ZNF827: variants seen among roughly 807,000 people sequenced by gnomAD.
ZNF827 encodes zinc finger protein 827.
ZNF827 carries 13 observed loss-of-function variants against 102.4 expected under a neutral mutation model. The observed-to-expected ratio is 0.13, with a 90% CI of 0.08 to 0.20. ZNF827 has a LOEUF of 0.20. Among genes scored for constraint, ZNF827 ranks in the 10% least tolerant of loss-of-function variants. The pLI is 1.00. For missense variants in ZNF827, 1,103 were observed against 1,344.4 expected, an observed-to-expected ratio of 0.82 and a Z score of 2.81; for synonymous variants, 523 against 536.2, an observed-to-expected ratio of 0.98 and a Z score of 0.34.
intron 1 of ZNF827, among the ~76,000 whole-genome samples, chr4:145,934,166 G>A (rs568833414): frequency 6.6e-6 from 1 of 152,134 alleles, no homozygotes; most frequent in Non-Finnish European, 1.5e-5. Flanking sequence ...GCTGTATCTC[G>A]TGTAATAATT....
intron 5 of ZNF827, among the ~76,000 whole-genome samples, chr4:145,866,008 C>T (rs1206805984): frequency 6.6e-6 from 1 of 152,178 alleles, no homozygotes; most frequent in East Asian, 1.9e-4. Context: ...ATCATGTGGA[C>T]TGGGTAACAG....
chr4:145,805,175 C>G (rs1210911323), intron 8 of ZNF827, among the ~76,000 whole-genome samples: 1 of 148,692 alleles, frequency 6.7e-6, no homozygotes, highest in African/African-American at 2.5e-5. Flanking sequence ...TTGTGTGAAG[C>G]AAAATTCACC....
In ZNF827 at chr4:145,765,815, T is replaced by G; in HGVS notation, c.2861-77A>C. ...ATTATAGCAACTGAGGGTGACGAGTTGAGTCTCATGGATGCATCATCATTC... is the reference window on the plus strand; with the variant it reads ...ATTATAGCAACTGAGGGTGACGAGTGGAGTCTCATGGATGCATCATCATTC... On this transcript the variant is annotated intron_variant, in intron 11 of 14. Coordinates refer to ENST00000508784, the MANE Select transcript of ZNF827 (RefSeq NM_001306215.2). This position sits in a 1 kb window ranked among gnomAD's most constrained non-coding sequence, Gnocchi z 4.7. 1 of 1,445,236 alleles carries G rather than the reference T, an allele frequency of 6.9e-7. No homozygotes were observed. The highest frequency in any genetic ancestry group is 9.4e-7 in the Non-Finnish European group (1 of 1,059,462). 89.5% of individuals were successfully genotyped at this position (1,445,236 alleles called of 1,614,324 possible).
intron 1 of ZNF827, chr4:145,907,211 CT>C (rs948082681): frequency 1.5e-5 from 7 of 454,882 alleles, no homozygotes; most frequent in Non-Finnish European, 2.6e-5. Flanking sequence ...TTTTTTTCTT[CT>C]TTTTTTGCCT....
chr4:145,766,479 T>TTC (rs1735314028), intron 11 of ZNF827, among the ~76,000 whole-genome samples: 1 of 152,174 alleles, frequency 6.6e-6, no homozygotes, highest in Admixed American at 6.5e-5. Context: ...ACTGATCAGT[T>TTC]TCCTGCCTTG....
intron 3 of ZNF827, among the ~76,000 whole-genome samples, chr4:145,891,995 G>C: frequency 6.6e-6 from 1 of 152,232 alleles, no homozygotes; most frequent in Non-Finnish European, 1.5e-5. Context: ...CTATAGGAGA[G>C]GACCGCCCTC....
rs1364229964 is a variant in ZNF827, at chr4:145,760,590, C to A, written c.*1026G>T. On this transcript the variant is annotated 3_prime_UTR_variant, in exon 15 of 15. Coordinates refer to ENST00000508784, the MANE Select transcript of ZNF827 (RefSeq NM_001306215.2). ...GGATAAAGCAGCTTTCAGGTCAATG[C>A]AATAGGTATACACACAGAGCCAATT... is the stretch of plus-strand genomic sequence containing the variant. 3 of 190,172 alleles carry A rather than the reference C, an allele frequency of 1.6e-5. No individual in the cohort carries two copies. The highest frequency in any genetic ancestry group is 3.0e-5 in the Non-Finnish European group (3 of 99,430). The allele number at this position is 190,172 out of a possible 1,614,324, so 11.8% of individuals were successfully genotyped here.
intron 5 of ZNF827, among the ~76,000 whole-genome samples, chr4:145,864,057 A>G: frequency 6.6e-6 from 1 of 151,862 alleles, no homozygotes; most frequent in Non-Finnish European, 1.5e-5. Context: ...AGCCGGGCGC[A>G]GTGGCAGGCA....
intron 1 of ZNF827, among the ~76,000 whole-genome samples, chr4:145,905,766 T>C (rs1751810568): frequency 6.6e-6 from 1 of 152,218 alleles, no homozygotes; most frequent in South Asian, 2.1e-4. Context: ...GGAAGTATCC[T>C]ATAAATAGTA....
intron 1 of ZNF827, among the ~76,000 whole-genome samples, chr4:145,937,617 C>T (rs1157284367): frequency 2.1e-5 from 3 of 145,362 alleles, no homozygotes; most frequent in African/African-American, 7.5e-5. Context: ...AGCCGCCCGG[C>T]GGCGCGTGTG....
chr4:145,768,025 G>A (rs1170609791), intron 11 of ZNF827, among the ~76,000 whole-genome samples: 2 of 152,152 alleles, frequency 1.3e-5, no homozygotes, highest in African/African-American at 4.8e-5. Flanking sequence ...GTTTTGTAGG[G>A]TTTATAAAAC....
chr4:145,878,071 T>C (rs533841082), intron 4 of ZNF827, among the ~76,000 whole-genome samples: 2 of 152,240 alleles, frequency 1.3e-5, no homozygotes, highest in Non-Finnish European at 2.9e-5. Context: ...TTGACTGCTA[T>C]ACTTGTCATT....
intron 8 of ZNF827, among the ~76,000 whole-genome samples, chr4:145,791,278 G>T (rs7670746): frequency 0.4 from 61,060 of 152,012 alleles, 13,964 homozygotes; most frequent in Non-Finnish European, 0.54. Flanking sequence ...GAGGCAAGGG[G>T]TCTTTTATAA....
chr4:145,768,858 C>CAAAA (rs1174930111), intron 11 of ZNF827, among the ~76,000 whole-genome samples: 92 of 4,536 alleles, frequency 0.02, 37 homozygotes, highest in Non-Finnish European at 0.027. Flanking sequence ...GACTCCGTCT[C>CAAAA]AAAAAAAAAA....
At chr4:145,917,287 TA>T (rs1242400983) in intron 1 of ZNF827, among the ~76,000 whole-genome samples, 1 of 152,210 alleles carries the variant, frequency 6.6e-6, no homozygotes, top group African/African-American at 2.4e-5. Context: ...CACGACCAGA[TA>T]ATTTGTAAAG....
intron 7 of ZNF827, among the ~76,000 whole-genome samples, chr4:145,834,221 C>G: frequency 6.6e-6 from 1 of 152,134 alleles, no homozygotes. Flanking sequence ...GTAAAATAGG[C>G]AAACGGTCTG....
intron 1 of ZNF827, among the ~76,000 whole-genome samples, chr4:145,923,635 A>C (rs529324810): frequency 6.6e-6 from 1 of 152,232 alleles, no homozygotes; most frequent in Non-Finnish European, 1.5e-5. Flanking sequence ...AGCAGATAGG[A>C]GACTCTCGTT....
intron 1 of ZNF827, among the ~76,000 whole-genome samples, chr4:145,919,793 C>A (rs1046186631): frequency 1.3e-5 from 2 of 152,302 alleles, no homozygotes; most frequent in African/African-American, 4.8e-5. Flanking sequence ...CCTGTAGATT[C>A]TCCTCCTTTT....
In ZNF827 at chr4:145,934,664, C is replaced by A. The variant is rs78349796; in HGVS notation, c.43+3701G>T. ...ACTAATCCACTCCAGGGTGGAACTT[C>A]CAGGTTCCCTGGTGTCTGTGCTGTG... On this transcript the variant is annotated intron_variant, in intron 1 of 14. Transcript: ENST00000508784. Among the ~76,000 whole-genome samples the A allele has an allele frequency of 7.9e-5, 12 of 152,310 alleles. No homozygotes were observed. The East Asian group carries it at 2.3e-3, about 29-fold the overall frequency.
Sources: allele counts gnomAD v4.1 joint callset (sites outside exome capture counted in the v4.1 genomes callset), GRCh38; gene constraint gnomAD v4.1.1; non-coding constraint Gnocchi (gnomAD v3.1); transcripts MANE v1.5; gene names NCBI Gene and HGNC (gene_info 2026-07-23, HGNC 2026-07-21).